The following UNC5C variants were observed in gnomAD, a reference collection of about 807,000 sequenced individuals.
UNC5C encodes the protein unc-5 netrin receptor C.
A neutral mutation model predicts 99.8 loss-of-function variants in UNC5C; 47 were observed. The observed-to-expected ratio is 0.47, with a 90% CI of 0.37 to 0.60. The LOEUF (loss-of-function observed/expected upper bound fraction) is 0.60, where lower values mean the gene tolerates loss of function less well. Ranked by LOEUF, UNC5C falls within the 20% of genes least tolerant of loss-of-function variation. UNC5C has a pLI of 0.00. For missense variants in UNC5C, 1,062 were observed against 1,165.9 expected, an observed-to-expected ratio of 0.91 and a Z score of 1.30; for synonymous variants, 487 against 452.2, an observed-to-expected ratio of 1.08 and a Z score of -0.98.
chr4:95,357,201 A>G (rs1744238290), intron 1 of UNC5C, among the ~76,000 whole-genome samples: 1 of 151,910 alleles, frequency 6.6e-6, no homozygotes. Flanking sequence ...CAGTGGCACA[A>G]TGATAGCTCA....
intron 1 of UNC5C, among the ~76,000 whole-genome samples, chr4:95,351,381 T>C (rs917763146): frequency 3.3e-5 from 5 of 151,684 alleles, no homozygotes; most frequent in Non-Finnish European, 7.4e-5. Context: ...TTCTGTAAGA[T>C]AAGACAGAAG....
Position 95,219,132 on chromosome 4 carries a change from G to A in UNC5C, c.1482C>T (p.Leu494=), listed in dbSNP as rs770068946. Residue 494 remains leucine, a synonymous_variant, in exon 9 of 16, where the codon CTC becomes CTT. Coordinates refer to ENST00000453304, the MANE Select transcript of UNC5C (RefSeq NM_003728.4). ...GGGACAGCTTGGACGTAAACTCAGA[G>A]AGGTCATCTTGGGGGGTGACAGCAC... The part of the protein sequence containing the change: ...TSGAVTPQDD[L]SEFTSKLSPQ... 7 of 1,614,056 alleles carry A rather than the reference G, an allele frequency of 4.3e-6. No individual in the cohort carries two copies. The South Asian group carries it at 7.7e-5, about 18-fold the overall frequency.
chr4:95,431,432 T>C (rs995586996), intron 1 of UNC5C, among the ~76,000 whole-genome samples: 1 of 152,124 alleles, frequency 6.6e-6, no homozygotes, highest in Non-Finnish European at 1.5e-5. Flanking sequence ...TACCTATGTA[T>C]TCTAACTTCA....
chr4:95,473,189 T>G (rs1453758649), intron 1 of UNC5C, among the ~76,000 whole-genome samples: 1 of 152,144 alleles, frequency 6.6e-6, no homozygotes, highest in East Asian at 1.9e-4. Flanking sequence ...TCATTACAAC[T>G]TCCTCTTGGA....
chr4:95,204,955 C>T (rs141290339), intron 11 of UNC5C, among the ~76,000 whole-genome samples: 1 of 151,916 alleles, frequency 6.6e-6, no homozygotes, highest in Non-Finnish European at 1.5e-5. Context: ...AGAGGAAGCC[C>T]CTAAAAAGGA....
chr4:95,183,120 G>T, intron 13 of UNC5C, 59 bp from the exon 14 acceptor site: 1 of 1,530,636 alleles, frequency 6.5e-7, no homozygotes, highest in Non-Finnish European at 8.9e-7. Flanking sequence ...ATAACTCTCA[G>T]ATGGTCTGCT....
intron 4 of UNC5C, among the ~76,000 whole-genome samples, chr4:95,259,169 T>C (rs1740126560): frequency 6.6e-6 from 1 of 152,116 alleles, no homozygotes; most frequent in Admixed American, 6.5e-5. Flanking sequence ...AATGTTTATG[T>C]CTCCCGTGGG....
At chr4:95,430,224 G>T (rs1746596668) in intron 1 of UNC5C, among the ~76,000 whole-genome samples, 1 of 152,070 alleles carries the variant, frequency 6.6e-6, no homozygotes, top group African/African-American at 2.4e-5. Flanking sequence ...TCTGGTACAG[G>T]ATGTTAATAA....
In UNC5C at chr4:95,164,775, T is replaced by A. The variant is rs960124494; in HGVS notation, c.*4459A>T. On this transcript the variant is annotated 3_prime_UTR_variant, in exon 16 of 16. Coordinates refer to ENST00000453304, the MANE Select transcript of UNC5C (RefSeq NM_003728.4). ...TCATTCATTAGCCTTGGGCTTACACTGAGTTCTCCACATGAAACTGATGAC... is the reference window on the plus strand; with the variant it reads ...TCATTCATTAGCCTTGGGCTTACACAGAGTTCTCCACATGAAACTGATGAC... 1 of 152,250 alleles carries A rather than the reference T, an allele frequency of 6.6e-6. No individual in the cohort carries two copies. The highest frequency in any genetic ancestry group is 2.4e-5 in the African/African-American group (1 of 41,462). The allele number at this position is 152,250 out of a possible 1,614,324, so 9.4% of individuals were successfully genotyped here.
chr4:95,315,854 G>A (rs1036649915), intron 2 of UNC5C, among the ~76,000 whole-genome samples: 1 of 152,032 alleles, frequency 6.6e-6, no homozygotes, highest in Non-Finnish European at 1.5e-5. Context: ...CATAAAAATG[G>A]ATATATTACA....
chr4:95,470,591 G>C (rs969675831), intron 1 of UNC5C, among the ~76,000 whole-genome samples: 3 of 151,870 alleles, frequency 2.0e-5, no homozygotes, highest in Non-Finnish European at 4.4e-5. Flanking sequence ...TGAAGAGTCA[G>C]AAAAAAATAG....
intron 2 of UNC5C, among the ~76,000 whole-genome samples, chr4:95,319,836 C>G (rs1299738471): frequency 6.6e-6 from 1 of 152,204 alleles, no homozygotes. Flanking sequence ...GAAATAGCAT[C>G]AAGATTTTGA....
chr4:95,312,650 A>T (rs1446593055), intron 2 of UNC5C, among the ~76,000 whole-genome samples: 3 of 152,174 alleles, frequency 2.0e-5, no homozygotes, highest in Admixed American at 6.6e-5. Flanking sequence ...GTCTGAATCC[A>T]ATGTTCCTAT....
intron 2 of UNC5C, among the ~76,000 whole-genome samples, chr4:95,308,610 G>A (rs188098187): frequency 1.6e-4 from 25 of 151,630 alleles, no homozygotes; most frequent in Admixed American, 1.4e-3. Flanking sequence ...AAAATAAGTT[G>A]GGCATGGTGG....
intron 1 of UNC5C, among the ~76,000 whole-genome samples, chr4:95,401,941 G>A (rs1393574211): frequency 6.6e-6 from 1 of 152,180 alleles, no homozygotes; most frequent in Non-Finnish European, 1.5e-5. Flanking sequence ...ATGCCTTTTC[G>A]AAAGTGGTAT....
chr4:95,490,923 T>A (rs1721467959), intron 1 of UNC5C, among the ~76,000 whole-genome samples: 1 of 151,762 alleles, frequency 6.6e-6, no homozygotes, highest in Non-Finnish European at 1.5e-5. Context: ...TCTTTAATTC[T>A]ATATAGTTCC....
chr4:95,278,356 C>T lies in UNC5C; in HGVS notation c.497G>A (p.Arg166Gln), dbSNP rs775149744. 5.6e-6 allele frequency: 9 copies of T among 1,613,192 alleles called. No individual in the cohort carries two copies. Among genetic ancestry groups the T allele is most frequent in the East Asian group, 2.2e-5 (1 of 44,888 alleles). ...RKAYVRIAYL[R>Q]KTFEQEPLGK... is the part of the protein sequence containing the mutation. ...TAGGGGTTCCTGCTCAAATGTCTTCCGTAGATCTGGAACGTAAAAGTGACA... is the reference window on the plus strand; with the variant it reads ...TAGGGGTTCCTGCTCAAATGTCTTCTGTAGATCTGGAACGTAAAAGTGACA... The change falls in exon 4 of 16, where the codon CGG (arginine) becomes CAG (glutamine). Residue 166 changes from arginine to glutamine, a missense_variant. Transcript: ENST00000453304.
chr4:95,304,944 G>T (rs1378270876), intron 2 of UNC5C, among the ~76,000 whole-genome samples: 1 of 152,066 alleles, frequency 6.6e-6, no homozygotes, highest in Non-Finnish European at 1.5e-5. Context: ...GCTCAAATAG[G>T]CTCATGGATG....
At chr4:95,378,892 C>A (rs184708163) in intron 1 of UNC5C, among the ~76,000 whole-genome samples, 323 of 152,238 alleles carry the variant, frequency 2.1e-3, no homozygotes, top group Middle Eastern at 3.4e-3. Flanking sequence ...ACCAAGTCTT[C>A]TTTGCAAAGC....
Sources: allele counts gnomAD v4.1 joint callset (sites outside exome capture counted in the v4.1 genomes callset), GRCh38; gene constraint gnomAD v4.1.1; transcripts MANE v1.5; gene names NCBI Gene and HGNC (gene_info 2026-07-23, HGNC 2026-07-21).